The following SIRPB1 variants were observed in gnomAD, a reference collection of about 807,000 sequenced individuals.
SIRPB1 encodes the protein signal regulatory protein beta 1, also known as signal-regulatory protein beta-1.
SIRPB1 carries 28 observed loss-of-function variants against 34.1 expected under a neutral mutation model. That is an observed-to-expected ratio of 0.82 (90% CI 0.61 to 1.12). SIRPB1 has a LOEUF of 1.12. Ranked by LOEUF, SIRPB1 falls within the 50% of genes most tolerant of loss-of-function variation. SIRPB1 has a pLI of 0.00. For synonymous variants in SIRPB1, 211 were observed against 203.8 expected (o/e 1.04, Z -0.30); for missense variants, 499 against 507.0 (o/e 0.98, Z 0.15).
At chr20:1,588,760 C>T (rs2091433052) in intron 1 of SIRPB1, 1 of 358,698 alleles carries the variant, frequency 2.8e-6, no homozygotes, top group Non-Finnish European at 3.7e-6. Context: ...TGGATTGCGA[C>T]AGCAACTTGC....
In SIRPB1 at chr20:1,561,414, A is replaced by C. The variant is rs1215431960; in HGVS notation, c.*4086T>G. Among the ~76,000 whole-genome samples the C allele has an allele frequency of 6.7e-6, 1 of 149,394 alleles. No individual in the cohort carries two copies. Among genetic ancestry groups the C allele is most frequent in the African/African-American group, 2.4e-5 (1 of 41,014 alleles). On this transcript the variant is annotated 3_prime_UTR_variant, in exon 6 of 6. Coordinates refer to ENST00000381605, the MANE Select transcript of SIRPB1 (RefSeq NM_006065.5). ...TAATCAAAGTTCATAGTTTATTTAG[A>C]TCTTTTCTTTTTACCTAATGTCGTT...
intron 2 of SIRPB1, among the ~76,000 whole-genome samples, chr20:1,572,890 G>C (rs931905371): frequency 7.1e-4 from 107 of 151,276 alleles, no homozygotes; most frequent in African/African-American, 2.5e-3. Flanking sequence ...AGGGTCCGTG[G>C]GATTTTGATC....
At position 1,566,200 on chromosome 20, in the gene SIRPB1, C is replaced by T. The variant is rs748146730; in HGVS notation, c.1152G>A (p.Val384=). Residue 384 remains valine (V), a synonymous_variant, in exon 5 of 6, where the codon GTG becomes GTA. Transcript: ENST00000381605. ...ALLLGPKLLL[V]VGVSAIYICW... ...AGATGTAGATGGCAGAGACACCAAC[C>T]ACCAGTAGCAGCTTGGGGCCCAGGA... 4 of 1,612,394 alleles carry T rather than the reference C, an allele frequency of 2.5e-6. No individual in the cohort carries two copies. In the South Asian group the frequency reaches 4.4e-5, roughly 18 times the overall value.
At chr20:1,570,736 T>C (rs770701583) in intron 4 of SIRPB1, 69 bp downstream of exon 4, 1 of 1,244,908 alleles carries the variant, frequency 8.0e-7, no homozygotes, top group Non-Finnish European at 1.1e-6. Context: ...GCTTATTTTA[T>C]GACAAGCATG....
chr20:1,618,345 C>T (rs1394757923), intron 1 of SIRPB1, among the ~76,000 whole-genome samples: 1 of 152,160 alleles, frequency 6.6e-6, no homozygotes, highest in Admixed American at 6.6e-5. Context: ...AACTTTGGAG[C>T]CGGTCGACCT....
In SIRPB1 at chr20:1,571,836, G is replaced by A. The variant is rs753089123; in HGVS notation, c.635C>T (p.Ala212Val). ...GTCCCCACGGGTCAGCACCACCCTGGCTGTGCTGTGGATGCTGTAGGACAC... is the reference window on the plus strand; with the variant it reads ...GTCCCCACGGGTCAGCACCACCCTGACTGTGCTGTGGATGCTGTAGGACAC... ...DSVSYSIHST[A>V]RVVLTRGDVH... Residue 212 changes from alanine (A) to valine (V), a missense_variant, in exon 3 of 6, where the codon GCC (alanine) becomes GTC (valine). By Grantham distance (64) the Ala-to-Val change is moderately conservative. Transcript: ENST00000381605. The A allele has an allele frequency of 3.1e-6, 5 of 1,614,238 alleles. No individual in the cohort carries two copies. The East Asian group carries it at 8.9e-5, about 29-fold the overall frequency.
intron 3 of SIRPB1, 94 bp from the exon 4 acceptor site, chr20:1,571,231 A>G: frequency 7.7e-7 from 1 of 1,295,026 alleles, no homozygotes; most frequent in Non-Finnish European, 1.1e-6. Context: ...CAGTGAGGGC[A>G]TCACCAGGAC....
rs977698381 is a variant in SIRPB1, at chr20:1,565,280, A to G, written c.*220T>C. 2.7e-6 allele frequency: 1 copy of G among 365,502 alleles called. No homozygotes were observed. The highest frequency in any genetic ancestry group is 4.9e-6 in the Non-Finnish European group (1 of 205,312). 22.6% of individuals were successfully genotyped at this position (365,502 alleles called of 1,614,324 possible). A position where few individuals can be genotyped will look rare whatever the true frequency, so the allele number is the denominator to read the frequency against. ...ACCTTCTAGGGAGGTGCCATGAGTCAGTGCCCAGAGCCCAATCCCATGGCC... is the reference window on the plus strand; with the variant it reads ...ACCTTCTAGGGAGGTGCCATGAGTCGGTGCCCAGAGCCCAATCCCATGGCC... On this transcript the variant is annotated 3_prime_UTR_variant, in exon 6 of 6. Coordinates refer to ENST00000381605, the MANE Select transcript of SIRPB1 (RefSeq NM_006065.5).
rs1452989200 is a variant in SIRPB1 at position 1,571,060 on chromosome 20, A to T, written c.829T>A (p.Phe277Ile). The T allele has an allele frequency of 1.2e-6, 2 of 1,614,154 alleles. No individual in the cohort carries two copies. The highest frequency in any genetic ancestry group is 3.3e-4 in the Middle Eastern group (2 of 6,062). ...QANVTCQVSNFYPRGLQLTWL... is the reference protein window; with the variant it reads ...QANVTCQVSNIYPRGLQLTWL... ...GTCAGCTGTAGTCCCCGGGGGTAGA[A>T]ATTGCTCACCTGGCAGGTGACGTTT... Residue 277 changes from phenylalanine (F) to isoleucine (I), a missense_variant, in exon 4 of 6, where the codon TTC (phenylalanine) becomes ATC (isoleucine). Physicochemically the swap from Phe to Ile is conservative, Grantham distance 21 (BLOSUM62 0). Transcript: ENST00000381605.
chr20:1,569,863 C>T (rs1414708622), intron 4 of SIRPB1, among the ~76,000 whole-genome samples: 3 of 152,082 alleles, frequency 2.0e-5, no homozygotes, highest in Non-Finnish European at 4.4e-5. Flanking sequence ...GATTGTCTTT[C>T]GACTGGAGTA....
rs765734860 is a variant in SIRPB1, at chr20:1,571,917, T to C, written c.554A>G (p.Lys185Arg). 5.0e-6 allele frequency: 8 copies of C among 1,614,078 alleles called. No homozygotes were observed. In the South Asian group the frequency reaches 5.5e-5, roughly 11 times the overall value. The part of the protein sequence containing the change: ...SPRDITLKWF[K>R]NGNELSDFQT... ...GAAGTCTGAGAGCTCATTCCCATTT[T>C]TGAACCATTTCAGGGTGATGTCTCT... Residue 185 changes from lysine to arginine, a missense_variant, in exon 3 of 6, where the codon AAA becomes AGA. Coordinates refer to ENST00000381605, the MANE Select transcript of SIRPB1 (RefSeq NM_006065.5).
At position 1,605,549 on chromosome 20, in the gene SIRPB1, G is replaced by A. The variant is rs1170128276; in HGVS notation, c.76+14320C>T. 8.2e-5 allele frequency among the ~76,000 whole-genome samples: 4 copies of A among 48,850 alleles called. 2 individuals are homozygous for A. Among genetic ancestry groups the A allele is most frequent in the African/African-American group, 2.8e-4 (2 of 7,224 alleles). 32.0% of individuals were successfully genotyped at this position (48,850 alleles called of 152,430 possible). On this transcript the variant is annotated intron_variant, in intron 1 of 5. Transcript: ENST00000381605. ...GGCTGACACCCCCAGCTCCTCATCC[G>A]CAAAACAGGAGGACGGAGGACGGCG...
rs1161820649 is a variant in SIRPB1, at chr20:1,584,603, G to T, written c.77-5909C>A. On this transcript the variant is annotated intron_variant, in intron 1 of 5. Coordinates refer to ENST00000381605, the MANE Select transcript of SIRPB1 (RefSeq NM_006065.5). The stretch of plus-strand genomic sequence containing the variant: ...ACACTGAAAACTATAAAACTTGGAT[G>T]AAAAAAATAGAAAACAAATAACAGA... 4.1e-5 allele frequency among the ~76,000 whole-genome samples: 2 copies of T among 48,664 alleles called. 1 individual carries two copies. The highest frequency in any genetic ancestry group is 2.7e-4 in the African/African-American group (2 of 7,388). 31.9% of individuals were successfully genotyped at this position (48,664 alleles called of 152,430 possible). A position where few individuals can be genotyped will look rare whatever the true frequency, so the allele number is the denominator to read the frequency against.
rs902185357 is a variant in SIRPB1, at chr20:1,576,608, A to C, written c.433+1730T>G. ...AGCCAGATGTTAAAACCACTGTCTT[A>C]AAAATGTTTGAAGTGGGGCCAGGCA... On this transcript the variant is annotated intron_variant, in intron 2 of 5. Transcript: ENST00000381605. Among the ~76,000 whole-genome samples the C allele has an allele frequency of 2.2e-4, 33 of 148,376 alleles. 3 individuals carry two copies. The highest frequency in any genetic ancestry group is 4.8e-4 in the Non-Finnish European group (32 of 66,218).
In SIRPB1 at chr20:1,578,715, G is replaced by A. The variant is rs760109915; in HGVS notation, c.77-21C>T. On this transcript the variant is annotated intron_variant, in intron 1 of 5. Coordinates refer to ENST00000381605, the MANE Select transcript of SIRPB1 (RefSeq NM_006065.5). The stretch of plus-strand genomic sequence containing the variant: ...CACTCCTGGAAAGGAGCACAAAGCA[G>A]TCATTTCTTCATCCTTACCTGATTC... 16 of 1,523,046 alleles carry A rather than the reference G, an allele frequency of 1.1e-5. 1 individual carries two copies. The highest frequency in any genetic ancestry group is 1.5e-5 in the Non-Finnish European group (16 of 1,101,798). The allele number at this position is 1,523,046 out of a possible 1,614,324, so 94.3% of individuals were successfully genotyped here.
intron 4 of SIRPB1, among the ~76,000 whole-genome samples, chr20:1,569,479 C>A (rs1897114746): frequency 6.6e-6 from 1 of 152,210 alleles, no homozygotes; most frequent in South Asian, 2.1e-4. Context: ...CATGCGTGAG[C>A]AAGTTTTCAG....
intron 4 of SIRPB1, among the ~76,000 whole-genome samples, chr20:1,569,169 A>G (rs2091187425): frequency 6.6e-6 from 1 of 152,338 alleles, no homozygotes; most frequent in Non-Finnish European, 1.5e-5. Flanking sequence ...ACCCTAAACT[A>G]TTAACGACAT....
chr20:1,614,885 C>T (rs1386760921), intron 1 of SIRPB1, among the ~76,000 whole-genome samples: 1 of 152,148 alleles, frequency 6.6e-6, no homozygotes, highest in Non-Finnish European at 1.5e-5. Context: ...CTTTCTTGTG[C>T]TATGCTATGT....
At chr20:1,613,560 A>G (rs1221847800) in intron 1 of SIRPB1, among the ~76,000 whole-genome samples, 2 of 152,016 alleles carry the variant, frequency 1.3e-5, no homozygotes, top group Non-Finnish European at 2.9e-5. Context: ...GAAATCAAAC[A>G]GAAACTTAGG....
Sources: allele counts gnomAD v4.1 joint callset (sites outside exome capture counted in the v4.1 genomes callset), GRCh38; gene constraint gnomAD v4.1.1; transcripts MANE v1.5; gene names NCBI Gene and HGNC (gene_info 2026-07-23, HGNC 2026-07-21).